Variants in ABCB5 observed in about 807,000 individuals in gnomAD.
ABCB5 encodes ATP-binding cassette sub-family B member 5.
In ABCB5, 155 loss-of-function variants were observed where a neutral mutation model predicts 144.2. The ratio of observed to expected loss-of-function variants is 1.08; its 90% confidence interval spans 0.94 to 1.23. The LOEUF (loss-of-function observed/expected upper bound fraction) is 1.23, where lower values mean the gene tolerates loss of function less well. Ranked by LOEUF, ABCB5 falls within the 50% of genes most tolerant of loss-of-function variation. The pLI is 0.00. For missense variants in ABCB5, 1,830 were observed against 1,520.8 expected, an observed-to-expected ratio of 1.20 and a Z score of -3.38; for synonymous variants, 610 against 528.6, an observed-to-expected ratio of 1.15 and a Z score of -2.11.
chr7:20,620,332 C>T (rs74780938), intron 1 of ABCB5, among the ~76,000 whole-genome samples: 7,637 of 152,052 alleles, frequency 0.05, 556 homozygotes, highest in African/African-American at 0.16. Context: ...ATTTTTGACA[C>T]TGGATTTGGC....
At chr7:20,720,892 C>T (rs1318608245) in intron 20 of ABCB5, among the ~76,000 whole-genome samples, 1 of 130,360 alleles carries the variant, frequency 7.7e-6, no homozygotes, top group Non-Finnish European at 1.5e-5. Context: ...TGCAGTGAGT[C>T]GAGATCGCGC....
intron 24 of ABCB5, among the ~76,000 whole-genome samples, chr7:20,741,571 T>G (rs1003281521): frequency 2.9e-5 from 1 of 34,470 alleles, no homozygotes; most frequent in Non-Finnish European, 6.7e-5. Flanking sequence ...CCTTCCAGAT[T>G]TTTTTTTTCT....
At chr7:20,717,941 G>A (rs562049429) in intron 20 of ABCB5, among the ~76,000 whole-genome samples, 39 of 106,176 alleles carry the variant, frequency 3.7e-4, no homozygotes, top group Non-Finnish European at 2.4e-4. Flanking sequence ...TCGCTCTGTC[G>A]CCCAGGCTGG....
chr7:20,640,139 G>A (rs982667256), intron 5 of ABCB5, among the ~76,000 whole-genome samples: 1 of 151,934 alleles, frequency 6.6e-6, no homozygotes, highest in East Asian at 1.9e-4. Flanking sequence ...TTTGTATTAA[G>A]CCTGTAGTGT....
chr7:20,639,601 C>A (rs1784245268), intron 5 of ABCB5, among the ~76,000 whole-genome samples: 1 of 152,118 alleles, frequency 6.6e-6, no homozygotes, highest in South Asian at 2.1e-4. Context: ...GTTGAAAAAA[C>A]AGTCTTTTCT....
At chr7:20,747,743 A>T (rs1462592034) in intron 26 of ABCB5, among the ~76,000 whole-genome samples, 1 of 152,218 alleles carries the variant, frequency 6.6e-6, no homozygotes, top group Non-Finnish European at 1.5e-5. Context: ...AGTGTTTTAA[A>T]TTTTAACTTT....
At position 20,702,187 on chromosome 7, in the gene ABCB5, T is replaced by G. The variant is rs188485980; in HGVS notation, c.2337+2052T>G. On this transcript the variant is annotated intron_variant, in intron 19 of 27. Coordinates refer to ENST00000404938, the MANE Select transcript of ABCB5 (RefSeq NM_001163941.2). ...GTTGCTGACTTCAGTCACTGAATAATTCGTCGTTCATTGTGTTTCAAAGTT... is the reference window on the plus strand; with the variant it reads ...GTTGCTGACTTCAGTCACTGAATAAGTCGTCGTTCATTGTGTTTCAAAGTT... 3.5e-3 allele frequency among the ~76,000 whole-genome samples: 539 copies of G among 152,358 alleles called. 11 individuals are homozygous for G. The highest frequency in any genetic ancestry group is 0.031 in the Admixed American group (470 of 15,310).
At chr7:20,685,657 G>A in intron 15 of ABCB5, 39 bp from the exon 16 acceptor site, 2 of 1,523,166 alleles carry the variant, frequency 1.3e-6, no homozygotes, top group Non-Finnish European at 8.9e-7. Flanking sequence ...AATTTTTAAG[G>A]CATTCTTATA....
At chr7:20,668,540 G>A (rs1414798640) in intron 14 of ABCB5, among the ~76,000 whole-genome samples, 1 of 151,936 alleles carries the variant, frequency 6.6e-6, no homozygotes, top group African/African-American at 2.4e-5. Context: ...CACCCCGTCT[G>A]GGAAATGAGG....
chr7:20,623,233 G>A, intron 1 of ABCB5, 32 bp from the exon 2 acceptor site: 1 of 1,228,368 alleles, frequency 8.1e-7, no homozygotes, highest in Admixed American at 2.0e-5. Flanking sequence ...AAGTCACATA[G>A]CCATAATACA....
Position 20,648,036 on chromosome 7 carries a change from T to TA in ABCB5, c.1169dup (p.Asn390LysfsTer23). 2 of 1,611,332 alleles carry TA rather than the reference T, an allele frequency of 1.2e-6. No individual in the cohort carries two copies. The highest frequency in any genetic ancestry group is 1.7e-6 in the Non-Finnish European group (2 of 1,177,976). The stretch of plus-strand genomic sequence containing the variant: ...AATCCATAGAAGGAACTGTGGAATT[T>TA]AAAAATGTTTCTTTCAATTATCCAT... On this transcript the variant is annotated frameshift_variant, in exon 11 of 28. Coordinates refer to ENST00000404938, the MANE Select transcript of ABCB5 (RefSeq NM_001163941.2). LOFTEE classifies it high-confidence loss of function.
intron 14 of ABCB5, among the ~76,000 whole-genome samples, chr7:20,670,512 A>AC (rs146363084): frequency 0.011 from 1,685 of 152,354 alleles, 28 homozygotes; most frequent in South Asian, 0.044. Context: ...CTTAAAAAAA[A>AC]GACTCACATT....
At chr7:20,639,302 A>C (rs1175201369) in intron 5 of ABCB5, among the ~76,000 whole-genome samples, 1 of 152,200 alleles carries the variant, frequency 6.6e-6, no homozygotes, top group African/African-American at 2.4e-5. Flanking sequence ...CCCATCTGTC[A>C]GAGTGTACAC....
intron 14 of ABCB5, among the ~76,000 whole-genome samples, chr7:20,679,007 G>A (rs1340617903): frequency 6.6e-6 from 1 of 152,100 alleles, no homozygotes; most frequent in Non-Finnish European, 1.5e-5. Flanking sequence ...AATATGAAAG[G>A]CAAATGACAA....
rs747770262 is a variant in ABCB5 at position 20,743,059 on chromosome 7, C to G, written c.3207C>G (p.Pro1069=). The stretch of plus-strand genomic sequence containing the variant: ...AACTTCTGCAGAGACTTTATGACCC[C>G]GTGCAAGGACAAGTGGTAAGACAGA... ...SVQLLQRLYD[P]VQGQVLFDGV... Residue 1069 remains proline (P), a synonymous_variant, in exon 25 of 28, where the codon CCC becomes CCG. Transcript: ENST00000404938. The G allele has an allele frequency of 1.9e-6, 3 of 1,613,896 alleles. No homozygotes were observed. The Admixed American group carries it at 5.0e-5, about 27-fold the overall frequency.
At position 20,720,773 on chromosome 7, in the gene ABCB5, G is replaced by A. The variant is rs1287287298; in HGVS notation, c.2422-2243G>A. Among the ~76,000 whole-genome samples the A allele has an allele frequency of 4.0e-5, 6 of 151,598 alleles. 1 individual carries two copies. Among genetic ancestry groups the A allele is most frequent in the African/African-American group, 7.3e-5 (3 of 41,328 alleles). On this transcript the variant is annotated intron_variant, in intron 20 of 27. Transcript: ENST00000404938. ...ATCCTGGCTAACACGGTGAAACCCCGTCTCTACTAAAAATACAAAAATTAG... is the reference window on the plus strand; with the variant it reads ...ATCCTGGCTAACACGGTGAAACCCCATCTCTACTAAAAATACAAAAATTAG...
chr7:20,659,899 G>T (rs1015937314), intron 14 of ABCB5: 2 of 927,058 alleles, frequency 2.2e-6, no homozygotes, highest in East Asian at 1.2e-4. Context: ...GACCAGGCTG[G>T]TCTCAAACTC....
In ABCB5 at chr7:20,647,534, G is replaced by A. The variant is rs1275234274; in HGVS notation, c.982-1G>A. ...AAATATCACTTTGTTTGTTCCTGTA[G>A]GTTTTCTTTAGTGTAATCCATAGCA... is the stretch of plus-strand genomic sequence containing the variant. On this transcript the variant is annotated splice_acceptor_variant, in intron 9 of 27. Coordinates refer to ENST00000404938, the MANE Select transcript of ABCB5 (RefSeq NM_001163941.2). LOFTEE classifies it high-confidence loss of function. 3 of 1,553,210 alleles carry A rather than the reference G, an allele frequency of 1.9e-6. No individual in the cohort carries two copies. The highest frequency in any genetic ancestry group is 2.8e-5 in the African/African-American group (2 of 72,690).
chr7:20,683,940 T>TA (rs11383927), intron 15 of ABCB5, among the ~76,000 whole-genome samples: 3 of 152,176 alleles, frequency 2.0e-5, no homozygotes, highest in Non-Finnish European at 4.4e-5. Context: ...TGATGAACTC[T>TA]TGGTCACTAC....
Sources: allele counts gnomAD v4.1 joint callset (sites outside exome capture counted in the v4.1 genomes callset), GRCh38; gene constraint gnomAD v4.1.1; transcripts MANE v1.5; gene names NCBI Gene and HGNC (gene_info 2026-07-23, HGNC 2026-07-21).